The following MORC2 variants were observed in gnomAD, a reference collection of about 807,000 sequenced individuals.
The protein encoded by MORC2 is ATPase MORC2.
A neutral mutation model predicts 136.0 loss-of-function variants in MORC2; 30 were observed. That is an observed-to-expected ratio of 0.22 (90% confidence interval 0.17 to 0.30). The LOEUF is 0.30. MORC2 is among the 10% of genes least tolerant of loss of function. MORC2 has a pLI of 1.00. For missense variants in MORC2, 922 were observed against 1,333.1 expected, an observed-to-expected ratio of 0.69 and a Z score of 4.80; for synonymous variants, 439 against 487.0, an observed-to-expected ratio of 0.90 and a Z score of 1.30.
At position 30,968,072 on chromosome 22, in the gene MORC2, A is replaced by G; in HGVS notation, c.-183T>C. 1 of 560,274 alleles carries G rather than the reference A, an allele frequency of 1.8e-6. No individual in the cohort carries two copies. Among genetic ancestry groups the G allele is most frequent in the Non-Finnish European group, 3.2e-6 (1 of 314,612 alleles). The allele number at this position is 560,274 out of a possible 1,614,324, so 34.7% of individuals were successfully genotyped here. A position where few individuals can be genotyped will look rare whatever the true frequency, so the allele number is the denominator to read the frequency against. ...GATGTTTAAAACTACAATTTCTTCA[A>G]GTGTTTTTTTTTAATCTTCTCAATG... On this transcript the variant is annotated 5_prime_UTR_variant, in exon 1 of 26. Transcript: ENST00000397641.
chr22:30,950,484 A>G, intron 3 of MORC2, 39 bp from the exon 4 acceptor site: 1 of 1,595,216 alleles, frequency 6.3e-7, no homozygotes. Flanking sequence ...GCCGTTACCC[A>G]CCACAGGGTG....
At chr22:30,938,243 G>C (rs200730857) in intron 12 of MORC2, 38 bp from the exon 13 acceptor site, 1 of 1,610,516 alleles carries the variant, frequency 6.2e-7, no homozygotes, top group Non-Finnish European at 8.5e-7. Context: ...TCTACACATC[G>C]GCACACAAGC....
At chr22:30,940,379 C>T (rs2040725404) in intron 10 of MORC2, among the ~76,000 whole-genome samples, 1 of 152,048 alleles carries the variant, frequency 6.6e-6, no homozygotes, top group African/African-American at 2.4e-5. Flanking sequence ...AATCACTCTC[C>T]AACAAGCAGC....
chr22:30,942,043 C>T (rs191016979), intron 7 of MORC2, 41 bp from the exon 8 acceptor site: 7 of 1,610,188 alleles, frequency 4.3e-6, no homozygotes. Flanking sequence ...ATCCCCCGGC[C>T]CACCCCCACA....
At chr22:30,951,085 G>T (rs2040879867) in intron 3 of MORC2, among the ~76,000 whole-genome samples, 1 of 152,190 alleles carries the variant, frequency 6.6e-6, no homozygotes, top group South Asian at 2.1e-4. Flanking sequence ...TCCCAACAGT[G>T]AGAAGGCACA....
At position 30,932,297 on chromosome 22, in the gene MORC2, C is replaced by T. The variant is rs1018910317; in HGVS notation, c.2841+62G>A. The T allele has an allele frequency of 2.9e-6, 4 of 1,375,154 alleles. No individual in the cohort carries two copies. Among genetic ancestry groups the T allele is most frequent in the African/African-American group, 2.9e-5 (2 of 69,446 alleles). The allele number at this position is 1,375,154 out of a possible 1,614,324, so 85.2% of individuals were successfully genotyped here. A position where few individuals can be genotyped will look rare whatever the true frequency, so the allele number is the denominator to read the frequency against. ...ACAATCATAATCACAACAGTTACAACAAATGCAGGGGCAGGGGTGGGGGAA... is the reference window on the plus strand; with the variant it reads ...ACAATCATAATCACAACAGTTACAATAAATGCAGGGGCAGGGGTGGGGGAA... On this transcript the variant is annotated intron_variant, in intron 24 of 25. Coordinates refer to ENST00000397641, the MANE Select transcript of MORC2 (RefSeq NM_001303256.3). The surrounding 1 kb of genome is among the most constrained non-coding windows in gnomAD (Gnocchi z 4.4).
chr22:30,952,679 G>A (rs2040908641), intron 3 of MORC2, among the ~76,000 whole-genome samples: 1 of 152,244 alleles, frequency 6.6e-6, no homozygotes, highest in African/African-American at 2.4e-5. Context: ...TAAACAGACA[G>A]TGTGGTCTCT....
At chr22:30,953,376 C>A (rs529608544) in intron 3 of MORC2, among the ~76,000 whole-genome samples, 1 of 152,182 alleles carries the variant, frequency 6.6e-6, no homozygotes, top group African/African-American at 2.4e-5. Flanking sequence ...ACTGTCAAAG[C>A]CAATCTGAAA....
At position 30,938,183 on chromosome 22, in the gene MORC2, G is replaced by A. The variant is rs146157888; in HGVS notation, c.1096C>T (p.Leu366=). ...KQRALKEPKE[L]NFVFGVNIEH... The stretch of plus-strand genomic sequence containing the variant: ...ATGTTGACACCAAAAACAAAATTCA[G>A]TTCCTTAGGTTCTTTAAGTGCTCTA... The change falls in exon 13 of 26, where the codon CTG becomes TTG. Residue 366 remains leucine (L), a synonymous_variant. Coordinates refer to ENST00000397641, the MANE Select transcript of MORC2 (RefSeq NM_001303256.3). The A allele has an allele frequency of 6.2e-7, 1 of 1,613,850 alleles. No homozygotes were observed. Among genetic ancestry groups the A allele is most frequent in the African/African-American group, 1.3e-5 (1 of 74,966 alleles).
chr22:30,937,978 A>G lies in MORC2; in HGVS notation c.1215-9T>C. On this transcript the variant is annotated splice_polypyrimidine_tract_variant and intron_variant, in intron 13 of 25. Transcript: ENST00000397641. This position sits in a 1 kb window ranked among gnomAD's most constrained non-coding sequence, Gnocchi z 4.7. ...CAACCCCGCCACATGCCCTACAGGG[A>G]GAAAGAGAACAAGCTCTGTCACCCC... 1 of 1,614,054 alleles carries G rather than the reference A, an allele frequency of 6.2e-7. No homozygotes were observed. Among genetic ancestry groups the G allele is most frequent in the Non-Finnish European group, 8.5e-7 (1 of 1,179,996 alleles).
chr22:30,950,571 C>A (rs965323975), intron 3 of MORC2, 126 bp from the exon 4 acceptor site: 2 of 854,628 alleles, frequency 2.3e-6, no homozygotes, highest in East Asian at 2.6e-5. Flanking sequence ...AAACTTTCTA[C>A]GCTGGTGTGA....
chr22:30,953,923 T>C (rs954812240), intron 3 of MORC2, among the ~76,000 whole-genome samples: 1 of 152,176 alleles, frequency 6.6e-6, no homozygotes, highest in Non-Finnish European at 1.5e-5. Flanking sequence ...TTTGGAAAGA[T>C]TTCCAAGTCC....
At chr22:30,962,961 T>G (rs189633237) in intron 1 of MORC2, among the ~76,000 whole-genome samples, 129 of 152,120 alleles carry the variant, frequency 8.5e-4, no homozygotes, top group Non-Finnish European at 1.4e-3. Flanking sequence ...TGGGATAGAG[T>G]AAACATCAAA....
Position 30,950,428 on chromosome 22 carries a change from G to A in MORC2, c.175C>T (p.Arg59Ter), listed in dbSNP as rs1202793669. ...DIYAERREDL[R>*]GGFMLCFLDD... ...AAAAAGCAAAGCATAAATCCTCCTC[G>A]AAGGTCCTCTCGTCTTTCTGTAAAA... Residue 59 changes from arginine to a stop codon, truncating the protein, a stop_gained, in exon 4 of 26, where the codon CGA becomes TGA. Transcript: ENST00000397641. LOFTEE classifies it high-confidence loss of function. The A allele has an allele frequency of 1.9e-6, 3 of 1,552,984 alleles. No individual in the cohort carries two copies. The highest frequency in any genetic ancestry group is 2.6e-6 in the Non-Finnish European group (3 of 1,150,564).
At chr22:30,956,218 CGAAA>C (rs2040966108) in intron 3 of MORC2, among the ~76,000 whole-genome samples, 1 of 152,106 alleles carries the variant, frequency 6.6e-6, no homozygotes. Context: ...ATAAGCAAAA[CGAAA>C]TAGGATGTTG....
rs1682911782 is a variant in MORC2, at chr22:30,932,147, C to T, written c.2841+212G>A. The T allele has an allele frequency of 5.7e-6, 3 of 530,906 alleles. No individual in the cohort carries two copies. Among genetic ancestry groups the T allele is most frequent in the Non-Finnish European group, 1.0e-5 (3 of 297,940 alleles). 32.9% of individuals were successfully genotyped at this position (530,906 alleles called of 1,614,324 possible). ...GGTGGGAAGGGGTTGGCTTTCTGCACACCAGAGTCATATCCAGCTAAGCCA... is the reference window on the plus strand; with the variant it reads ...GGTGGGAAGGGGTTGGCTTTCTGCATACCAGAGTCATATCCAGCTAAGCCA... On this transcript the variant is annotated intron_variant, in intron 24 of 25. Transcript: ENST00000397641. The surrounding 1 kb of genome is among the most constrained non-coding windows in gnomAD (Gnocchi z 4.4).
At chr22:30,965,977 C>T (rs1434834550) in intron 1 of MORC2, among the ~76,000 whole-genome samples, 1 of 152,234 alleles carries the variant, frequency 6.6e-6, no homozygotes, top group East Asian at 1.9e-4. Flanking sequence ...CCGTTTAAGT[C>T]TGCCACTTGG....
chr22:30,961,215 A>G (rs2041040983), intron 1 of MORC2, among the ~76,000 whole-genome samples: 2 of 152,262 alleles, frequency 1.3e-5, no homozygotes, highest in Admixed American at 1.3e-4. Flanking sequence ...CCCCTCAGTA[A>G]AAATTTAAAA....
At chr22:30,963,211 C>T (rs1244845876) in intron 1 of MORC2, 7 of 541,326 alleles carry the variant, frequency 1.3e-5, no homozygotes, top group South Asian at 8.0e-5. Flanking sequence ...CTCCTGACCT[C>T]GTGATCCACC....
Sources: gnomAD v4.1 joint callset for allele counts (sites outside exome capture counted in the v4.1 genomes callset) on GRCh38, gnomAD v4.1.1 for gene constraint, Gnocchi (gnomAD v3.1) non-coding constraint, MANE v1.5 for transcripts, NCBI Gene and HGNC (gene_info 2026-07-23, HGNC 2026-07-21) for gene names.